The following TP53BP2 variants were observed in gnomAD, a reference collection of about 807,000 sequenced individuals.
The protein encoded by TP53BP2 is apoptosis-stimulating of p53 protein 2.
Under a neutral mutation model 126.2 loss-of-function variants are expected in TP53BP2, and 62 were observed. That is an observed-to-expected ratio of 0.49 (90% CI 0.40 to 0.61). TP53BP2 has a LOEUF of 0.61. Ranked by LOEUF, TP53BP2 falls within the 20% of genes least tolerant of loss-of-function variation. The probability of loss-of-function intolerance (pLI) is 0.00; values close to 1 mark genes in which losing one functional copy is unlikely to be tolerated. For synonymous variants in TP53BP2, 485 were observed against 502.9 expected (o/e 0.96, Z 0.48); for missense variants, 1,215 against 1,402.8 (o/e 0.87, Z 2.14).
rs185966615 is a variant in TP53BP2 at position 223,796,823 on chromosome 1, T to C, written c.1949-233A>G. Among the ~76,000 whole-genome samples, 4 of 152,264 alleles carry C rather than the reference T, an allele frequency of 2.6e-5. No individual in the cohort carries two copies. The East Asian group carries it at 7.7e-4, about 29-fold the overall frequency. ...CCCACTGATTGTAACATGCACCATA[T>C]CTCATGAAACAATAAGAAAATGTTG... On this transcript the variant is annotated intron_variant, in intron 12 of 17. Coordinates refer to ENST00000343537, the MANE Select transcript of TP53BP2 (RefSeq NM_001031685.3). This position sits in a 1 kb window ranked among gnomAD's most constrained non-coding sequence, Gnocchi z 4.2.
Position 223,821,215 on chromosome 1 carries a change from C to G in TP53BP2, c.175+5G>C. 1 of 1,614,020 alleles carries G rather than the reference C, an allele frequency of 6.2e-7. No homozygotes were observed. The highest frequency in any genetic ancestry group is 8.5e-7 in the Non-Finnish European group (1 of 1,179,896). ...CTAAAGCACGAGGCTGTCAGCGTCT[C>G]TCACCAGAGCCACACCACACTTCAG... On this transcript the variant is annotated splice_donor_5th_base_variant and intron_variant, in intron 2 of 17. Transcript: ENST00000343537.
intron 15 of TP53BP2, among the ~76,000 whole-genome samples, chr1:223,791,255 T>C (rs538999194): frequency 1.3e-5 from 2 of 150,084 alleles, no homozygotes; most frequent in South Asian, 2.1e-4. Context: ...AGTGAGACCC[T>C]GTCTCTACAA....
chr1:223,836,990 A>T (rs1663942508), intron 1 of TP53BP2, among the ~76,000 whole-genome samples: 1 of 152,180 alleles, frequency 6.6e-6, no homozygotes, highest in South Asian at 2.1e-4. Flanking sequence ...TTACCTACAT[A>T]TCACAAACTA....
chr1:223,843,162 T>C (rs1664158171), intron 1 of TP53BP2, among the ~76,000 whole-genome samples: 1 of 150,072 alleles, frequency 6.7e-6, no homozygotes, highest in Non-Finnish European at 1.5e-5. Flanking sequence ...AGAAAACACA[T>C]GAACACAATT....
At chr1:223,827,472 G>T (rs907298953) in intron 1 of TP53BP2, among the ~76,000 whole-genome samples, 3 of 152,172 alleles carry the variant, frequency 2.0e-5, no homozygotes, top group African/African-American at 7.2e-5. Flanking sequence ...TAAGGGCCTG[G>T]CTGGAACAGG....
intron 1 of TP53BP2, among the ~76,000 whole-genome samples, chr1:223,832,379 T>C (rs1034827598): frequency 5.9e-5 from 9 of 152,192 alleles, no homozygotes; most frequent in African/African-American, 2.2e-4. Flanking sequence ...TGTAGAGAGA[T>C]TAGGGGAAAA....
chr1:223,845,689 G>T lies in TP53BP2; in HGVS notation c.-9C>A. ...TTGGACCCGAACCGCATGGAAGCGG[G>T]TGGCCAGACTGCGGCCCCGGCCGAG... is the stretch of plus-strand genomic sequence containing the variant. On this transcript the variant is annotated 5_prime_UTR_variant, in exon 1 of 18. Coordinates refer to ENST00000343537, the MANE Select transcript of TP53BP2 (RefSeq NM_001031685.3). The T allele has an allele frequency of 1.9e-6, 3 of 1,544,840 alleles. No homozygotes were observed.
chr1:223,841,268 T>TAAATAAATAAAA (rs1553264829), intron 1 of TP53BP2, among the ~76,000 whole-genome samples: 1 of 151,840 alleles, frequency 6.6e-6, no homozygotes, highest in African/African-American at 2.4e-5. Context: ...AATAAATAAA[T>TAAATAAATAAAA]AAAAGAAATA....
At chr1:223,837,031 C>A (rs201977117) in intron 1 of TP53BP2, among the ~76,000 whole-genome samples, 1 of 151,550 alleles carries the variant, frequency 6.6e-6, no homozygotes, top group Non-Finnish European at 1.5e-5. Context: ...TGTTGTGATG[C>A]AGAAAACACT....
Position 223,802,817 on chromosome 1 carries a change from C to G in TP53BP2, c.910G>C (p.Val304Leu), listed in dbSNP as rs746998207. 1 of 1,614,196 alleles carries G rather than the reference C, an allele frequency of 6.2e-7. No homozygotes were observed. ...TTAACACGCTTATCCATGACTGCCA[C>G]TTCTGAATTACGCTTATTCAAACAC... ...RECLNKRNSE[V>L]AVMDKRVNEL... The change falls in exon 8 of 18, where the codon GTG becomes CTG. Residue 304 changes from valine (V) to leucine (L), a missense_variant. Val to Leu is a conservative substitution (Grantham distance 32). Transcript: ENST00000343537.
At chr1:223,808,517 G>A (rs949962322) in intron 4 of TP53BP2, among the ~76,000 whole-genome samples, 6 of 149,312 alleles carry the variant, frequency 4.0e-5, no homozygotes, top group African/African-American at 1.5e-4. Flanking sequence ...CTCCAGCCTA[G>A]GCGACAGAGT....
In TP53BP2 at chr1:223,796,574, T is replaced by C. The variant is rs1238921889; in HGVS notation, c.1965A>G (p.Val655=). 6.2e-6 allele frequency: 10 copies of C among 1,608,430 alleles called. No homozygotes were observed. The South Asian group carries it at 8.8e-5, about 14-fold the overall frequency. Residue 655 remains valine (V), a synonymous_variant, in exon 13 of 18, where the codon GTA becomes GTG. Coordinates refer to ENST00000343537, the MANE Select transcript of TP53BP2 (RefSeq NM_001031685.3). The surrounding 1 kb of genome is among the most constrained non-coding windows in gnomAD (Gnocchi z 4.2). ...PHFSSVYGKP[V]IAAAQNQQQH... is the part of the protein sequence containing the mutation. ...GCTGTTGATTCTGGGCAGCAGCAAT[T>C]ACAGGCTTACCATATACTAATTGGA...
rs771476352 is a variant in TP53BP2, at chr1:223,795,986, C to T, written c.2553G>A (p.Gln851=). Residue 851 remains glutamine (Q), a synonymous_variant, in exon 13 of 18, where the codon CAG becomes CAA. Coordinates refer to ENST00000343537, the MANE Select transcript of TP53BP2 (RefSeq NM_001031685.3). ...EGVPDNSPNL[Q]NNPEEPNPEA... is the part of the protein sequence containing the mutation. Reference sequence around the variant, plus strand: ...CTGGATTTGGTTCTTCTGGGTTATTCTGGAGATTTGGGCTGTTGTCTGGGA... The same window carrying T: ...CTGGATTTGGTTCTTCTGGGTTATTTTGGAGATTTGGGCTGTTGTCTGGGA... The T allele has an allele frequency of 6.2e-7, 1 of 1,613,894 alleles. No homozygotes were observed. The highest frequency in any genetic ancestry group is 1.7e-5 in the Admixed American group (1 of 59,988).
chr1:223,810,550 G>C lies in TP53BP2; in HGVS notation c.290-37C>G, dbSNP rs553270570. 62 of 1,358,250 alleles carry C rather than the reference G, an allele frequency of 4.6e-5. No homozygotes were observed. In the African/African-American group the frequency reaches 7.8e-4, roughly 17 times the overall value. 84.1% of individuals were successfully genotyped at this position (1,358,250 alleles called of 1,614,324 possible). On this transcript the variant is annotated intron_variant, in intron 3 of 17. Transcript: ENST00000343537. The stretch of plus-strand genomic sequence containing the variant: ...ATTCAAAAACTATGCATTAACACTA[G>C]AGTTGACAGATATTTTAAGAACCAG...
chr1:223,820,840 C>T (rs1319833951), intron 2 of TP53BP2, among the ~76,000 whole-genome samples: 1 of 152,228 alleles, frequency 6.6e-6, no homozygotes, highest in African/African-American at 2.4e-5. Flanking sequence ...TCTGCCACTA[C>T]AGTTCCTCGA....
intron 1 of TP53BP2, among the ~76,000 whole-genome samples, chr1:223,829,049 G>A (rs1260660075): frequency 3.3e-5 from 5 of 152,070 alleles, no homozygotes; most frequent in Admixed American, 2.6e-4. Context: ...ATCTCAGGCC[G>A]GGCATGGTGG....
intron 1 of TP53BP2, among the ~76,000 whole-genome samples, chr1:223,845,431 A>C (rs1036183667): frequency 5.9e-5 from 9 of 152,046 alleles, no homozygotes; most frequent in African/African-American, 2.2e-4. Context: ...ACCCGCCTCG[A>C]GGTTAGGGTC....
intron 1 of TP53BP2, among the ~76,000 whole-genome samples, chr1:223,833,009 C>G (rs1280377776): frequency 1.3e-5 from 2 of 152,204 alleles, no homozygotes; most frequent in Non-Finnish European, 2.9e-5. Flanking sequence ...AAGAGACACT[C>G]TCTACCTCCC....
rs75901592 is a variant in TP53BP2, at chr1:223,804,554, T to C, written c.475-206A>G. 2.7e-3 allele frequency among the ~76,000 whole-genome samples: 416 copies of C among 152,304 alleles called. 1 individual carries two copies. The highest frequency in any genetic ancestry group is 9.5e-3 in the African/African-American group (393 of 41,578). On this transcript the variant is annotated intron_variant, in intron 5 of 17. Coordinates refer to ENST00000343537, the MANE Select transcript of TP53BP2 (RefSeq NM_001031685.3). ...CTCCTGAGCCCACCCTAGAATCTTC[T>C]GGGGATAAGATCCAGGAATCAGTAT...
Sources: allele counts gnomAD v4.1 joint callset (sites outside exome capture counted in the v4.1 genomes callset), GRCh38; gene constraint gnomAD v4.1.1; non-coding constraint Gnocchi (gnomAD v3.1); transcripts MANE v1.5; gene names NCBI Gene and HGNC (gene_info 2026-07-23, HGNC 2026-07-21).